GALNT2: variants seen among roughly 807,000 people sequenced by gnomAD.
GALNT2 encodes polypeptide N-acetylgalactosaminyltransferase 2, also known as UDP-GalNAc:polypeptide N-acetylgalactosaminyltransferase 2.
Under a neutral mutation model 81.4 loss-of-function variants are expected in GALNT2, and 31 were observed. The ratio of observed to expected loss-of-function variants is 0.38; its 90% CI spans 0.29 to 0.51. GALNT2 has a LOEUF of 0.51. Among genes scored for constraint, GALNT2 ranks in the 20% least tolerant of loss-of-function variants. GALNT2 has a pLI of 0.87. For missense variants in GALNT2, 629 were observed against 765.7 expected, an observed-to-expected ratio of 0.82 and a Z score of 2.11; for synonymous variants, 303 against 287.4, an observed-to-expected ratio of 1.05 and a Z score of -0.55.
chr1:230,229,576 G>A (rs1359332054), intron 3 of GALNT2, among the ~76,000 whole-genome samples: 1 of 152,150 alleles, frequency 6.6e-6, no homozygotes, highest in East Asian at 1.9e-4. Flanking sequence ...CCTACTTGTG[G>A]GTAAATAATG....
rs560587979 is a variant in GALNT2, at chr1:230,279,680, G to T, written c.*222G>T. On this transcript the variant is annotated 3_prime_UTR_variant, in exon 16 of 16. Transcript: ENST00000366672. The surrounding 1 kb of genome is among the most constrained non-coding windows in gnomAD (Gnocchi z 4.6). ...CCCCTCCTCTCGGTGCAGCCCAGCC[G>T]GGCCCCCTTCCCCAGGCCGGAGCGC... 3 of 605,244 alleles carry T rather than the reference G, an allele frequency of 5.0e-6. No individual in the cohort carries two copies. In the Admixed American group the frequency reaches 8.3e-5, roughly 17 times the overall value. The allele number at this position is 605,244 out of a possible 1,614,324, so 37.5% of individuals were successfully genotyped here.
At chr1:230,186,179 G>C (rs769171153) in intron 2 of GALNT2, among the ~76,000 whole-genome samples, 4 of 152,230 alleles carry the variant, frequency 2.6e-5, no homozygotes, top group African/African-American at 7.2e-5. Context: ...GCTGGTGAGA[G>C]TGTTTGCTGG....
chr1:230,189,593 T>A (rs2102695309), intron 2 of GALNT2, among the ~76,000 whole-genome samples: 1 of 152,312 alleles, frequency 6.6e-6, no homozygotes, highest in South Asian at 2.1e-4. Context: ...CGACCCTTTG[T>A]TTTTCTAGGT....
intron 1 of GALNT2, among the ~76,000 whole-genome samples, chr1:230,129,464 T>C (rs940752538): frequency 6.6e-6 from 1 of 152,140 alleles, no homozygotes; most frequent in Non-Finnish European, 1.5e-5. Flanking sequence ...ACTATAGGTG[T>C]TTGCCACCAT....
chr1:230,096,459 G>A (rs939910270), intron 1 of GALNT2, among the ~76,000 whole-genome samples: 8 of 152,074 alleles, frequency 5.3e-5, no homozygotes, highest in Non-Finnish European at 1.0e-4. Flanking sequence ...CGTCTCCCTC[G>A]TCCATCTCGT....
chr1:230,267,157 G>C (rs1260816197), intron 14 of GALNT2, among the ~76,000 whole-genome samples: 2 of 152,228 alleles, frequency 1.3e-5, no homozygotes, highest in African/African-American at 4.8e-5. Context: ...CTCAGATGCA[G>C]AGCTTGTTTT....
intron 1 of GALNT2, among the ~76,000 whole-genome samples, chr1:230,059,948 G>A (rs1016344679): frequency 6.6e-6 from 1 of 152,078 alleles, no homozygotes; most frequent in African/African-American, 2.4e-5. Flanking sequence ...TCAGAAAATT[G>A]GACATTATAC....
At position 230,257,293 on chromosome 1, in the gene GALNT2, GC is replaced by G. The variant is rs372639079; in HGVS notation, c.1136+1954del. On this transcript the variant is annotated intron_variant, in intron 11 of 15. Transcript: ENST00000366672. The surrounding 1 kb of genome is among the most constrained non-coding windows in gnomAD (Gnocchi z 4.6). ...CCTATGGTGAAACAATGGTACGAGT[GC>G]CCCCTCCACTCTTGGAGCCAGAAGC... Among the ~76,000 whole-genome samples, 364 of 152,300 alleles carry G rather than the reference GC, an allele frequency of 2.4e-3. 2 individuals are homozygous for G. Among genetic ancestry groups the G allele is most frequent in the African/African-American group, 8.4e-3 (349 of 41,568 alleles).
chr1:230,167,797 TGCTCCACTGTGGCC>T (rs1220263992), intron 1 of GALNT2, among the ~76,000 whole-genome samples: 3 of 152,222 alleles, frequency 2.0e-5, no homozygotes, highest in Admixed American at 1.3e-4. Context: ...TCCCTGCGGC[TGCTCCACTGTGGCC>T]CTTGGGCCCC....
rs1385558141 is a variant in GALNT2, at chr1:230,275,697, A to G, written c.1560+1133A>G. 7.8e-6 allele frequency among the ~76,000 whole-genome samples: 1 copy of G among 128,318 alleles called. No individual in the cohort carries two copies. The highest frequency in any genetic ancestry group is 1.6e-5 in the Non-Finnish European group (1 of 61,858). 84.2% of individuals were successfully genotyped at this position (128,318 alleles called of 152,430 possible). A position where few individuals can be genotyped will look rare whatever the true frequency, so the allele number is the denominator to read the frequency against. On this transcript the variant is annotated intron_variant, in intron 15 of 15. Transcript: ENST00000366672. This position sits in a 1 kb window ranked among gnomAD's most constrained non-coding sequence, Gnocchi z 5.5. ...ACATGTATACATATGTAAACACCACATATATATACACACCACATATACACA... is the reference window on the plus strand; with the variant it reads ...ACATGTATACATATGTAAACACCACGTATATATACACACCACATATACACA...
At chr1:230,106,153 G>A (rs911932752) in intron 1 of GALNT2, among the ~76,000 whole-genome samples, 5 of 152,298 alleles carry the variant, frequency 3.3e-5, no homozygotes, top group East Asian at 1.9e-4. Flanking sequence ...GGCATTGTCC[G>A]CTCTGTTTCC....
intron 2 of GALNT2, among the ~76,000 whole-genome samples, chr1:230,195,442 G>GAA (rs1663661844): frequency 6.6e-6 from 1 of 152,098 alleles, no homozygotes; most frequent in South Asian, 2.1e-4. Flanking sequence ...AGAGAGAGGA[G>GAA]AAAGAAAAGA....
intron 3 of GALNT2, among the ~76,000 whole-genome samples, chr1:230,217,042 A>C (rs1664410326): frequency 6.6e-6 from 1 of 152,226 alleles, no homozygotes; most frequent in African/African-American, 2.4e-5. Context: ...ACTACATGAC[A>C]GGTGTTTTTC....
At chr1:230,150,045 A>C (rs960587721) in intron 1 of GALNT2, among the ~76,000 whole-genome samples, 1 of 152,228 alleles carries the variant, frequency 6.6e-6, no homozygotes, top group African/African-American at 2.4e-5. Flanking sequence ...ACAGCCACAC[A>C]GTATGATGGA....
chr1:230,068,206 G>T (rs1476791204), intron 1 of GALNT2, among the ~76,000 whole-genome samples: 1 of 152,236 alleles, frequency 6.6e-6, no homozygotes, highest in African/African-American at 2.4e-5. Context: ...GAGTGATCTG[G>T]CTGTGGGGAC....
intron 2 of GALNT2, among the ~76,000 whole-genome samples, chr1:230,186,722 C>T (rs971678863): frequency 6.6e-6 from 1 of 152,178 alleles, no homozygotes; most frequent in African/African-American, 2.4e-5. Context: ...CCTTTCATAT[C>T]CTTAACTATT....
At chr1:230,121,444 GT>G (rs1486601912) in intron 1 of GALNT2, among the ~76,000 whole-genome samples, 1 of 152,064 alleles carries the variant, frequency 6.6e-6, no homozygotes, top group Non-Finnish European at 1.5e-5. Context: ...TTCTCTTTTT[GT>G]TTCTGTCTCC....
At chr1:230,106,891 T>C (rs768717823) in intron 1 of GALNT2, among the ~76,000 whole-genome samples, 10 of 152,200 alleles carry the variant, frequency 6.6e-5, no homozygotes, top group Non-Finnish European at 1.0e-4. Flanking sequence ...TAAACAATGC[T>C]GTGAAAAGGG....
At chr1:230,133,449 CTTT>C (rs71934973) in intron 1 of GALNT2, among the ~76,000 whole-genome samples, 8 of 140,306 alleles carry the variant, frequency 5.7e-5, no homozygotes, top group Admixed American at 7.1e-5. Flanking sequence ...TTTCTTTTTT[CTTT>C]TTTTTTTTTT....
Sources: allele counts gnomAD v4.1 joint callset (sites outside exome capture counted in the v4.1 genomes callset), GRCh38; gene constraint gnomAD v4.1.1; non-coding constraint Gnocchi (gnomAD v3.1); transcripts MANE v1.5; gene names NCBI Gene and HGNC (gene_info 2026-07-23, HGNC 2026-07-21).